The following CDH20 variants were observed in gnomAD, a reference collection of about 807,000 sequenced individuals.
The protein encoded by CDH20 is cadherin 20.
Under a neutral mutation model 74.2 loss-of-function variants are expected in CDH20, and 29 were observed. That is an observed-to-expected ratio of 0.39 (90% confidence interval 0.29 to 0.53). The LOEUF (loss-of-function observed/expected upper bound fraction) is 0.53. CDH20 is among the 20% of genes least tolerant of loss of function. The pLI, the probability that CDH20 is intolerant of heterozygous loss-of-function variation, is 0.69. For missense variants in CDH20, 988 were observed against 1,048.3 expected (o/e 0.94, Z 0.79); for synonymous variants, 469 against 405.4 (o/e 1.16, Z -1.88).
Position 61,554,650 on chromosome 18 carries a change from G to A in CDH20, c.2361G>A (p.Leu787=). 2 of 1,598,744 alleles carry A rather than the reference G, an allele frequency of 1.3e-6. No homozygotes were observed. Among genetic ancestry groups the A allele is most frequent in the Non-Finnish European group, 1.7e-6 (2 of 1,173,146 alleles). The change falls in exon 12 of 12, where the codon CTG becomes CTA. Residue 787 remains leucine, a synonymous_variant. Transcript: ENST00000262717. ...LTDWGPRFRK[L]AELYGASEGP... is the part of the protein sequence containing the mutation. ...ACTGGGGGCCCCGCTTCCGGAAGCT[G>A]GCCGAGCTCTACGGGGCGTCGGAGG...
chr18:61,467,354 T>C (rs780503246), intron 1 of CDH20, among the ~76,000 whole-genome samples: 9 of 152,160 alleles, frequency 5.9e-5, no homozygotes, highest in Non-Finnish European at 1.0e-4. Flanking sequence ...TGAAGAAACA[T>C]ATTTATGGTG....
At chr18:61,347,303 T>TAC in intron 1 of CDH20, among the ~76,000 whole-genome samples, 1 of 80,518 alleles carries the variant, frequency 1.2e-5, no homozygotes, top group Non-Finnish European at 2.4e-5. Context: ...TATATATATA[T>TAC]ATATATATAT....
chr18:61,460,003 T>G (rs1480254270), intron 1 of CDH20, among the ~76,000 whole-genome samples: 1 of 152,196 alleles, frequency 6.6e-6, no homozygotes, highest in Non-Finnish European at 1.5e-5. Context: ...GAAAAGCTCT[T>G]GTTGGAACAA....
chr18:61,508,723 G>A lies in CDH20; in HGVS notation c.1017+1163G>A, dbSNP rs756560371. Reference sequence around the variant, plus strand: ...GCAATCTCGGCTCACTGCAACCTCCGCCTCCCAGGTTCAAGCAATTCTCCT... The same window carrying A: ...GCAATCTCGGCTCACTGCAACCTCCACCTCCCAGGTTCAAGCAATTCTCCT... On this transcript the variant is annotated intron_variant, in intron 6 of 11. Transcript: ENST00000262717. Among the ~76,000 whole-genome samples the A allele has an allele frequency of 2.8e-4, 43 of 152,060 alleles. 1 individual carries two copies. Among genetic ancestry groups the A allele is most frequent in the Non-Finnish European group, 1.6e-4 (11 of 68,008 alleles).
At chr18:61,551,511 T>C (rs1283012031) in intron 11 of CDH20, among the ~76,000 whole-genome samples, 2 of 152,216 alleles carry the variant, frequency 1.3e-5, no homozygotes, top group African/African-American at 4.8e-5. Context: ...CTTCTCAAAA[T>C]ACATTTAAAA....
At chr18:61,470,780 A>C (rs1473023516) in intron 1 of CDH20, among the ~76,000 whole-genome samples, 1 of 152,176 alleles carries the variant, frequency 6.6e-6, no homozygotes, top group Non-Finnish European at 1.5e-5. Context: ...TTATGCTTTT[A>C]TTACAGATAG....
intron 1 of CDH20, among the ~76,000 whole-genome samples, chr18:61,416,925 T>TATAAACTATAGA (rs1213161624): frequency 1.3e-5 from 2 of 152,198 alleles, no homozygotes; most frequent in African/African-American, 4.8e-5. Flanking sequence ...TATATACCGT[T>TATAAACTATAGA]TATAACTAAA....
intron 2 of CDH20, among the ~76,000 whole-genome samples, chr18:61,495,451 C>T (rs1305376694): frequency 1.3e-5 from 2 of 152,222 alleles, no homozygotes; most frequent in African/African-American, 2.4e-5. Context: ...AATTTCTCCT[C>T]TTCCAACCAT....
At chr18:61,549,742 A>C (rs1359517022) in intron 10 of CDH20, 2 of 339,886 alleles carry the variant, frequency 5.9e-6, no homozygotes, top group East Asian at 8.5e-5. Context: ...GACAGACTCA[A>C]AAAAAAAAGA....
intron 1 of CDH20, among the ~76,000 whole-genome samples, chr18:61,355,155 A>G (rs896394890): frequency 6.6e-6 from 1 of 152,250 alleles, no homozygotes; most frequent in Non-Finnish European, 1.5e-5. Context: ...ATTTCAGATC[A>G]TACTGCTGTT....
At chr18:61,374,110 G>A (rs545202157) in intron 1 of CDH20, among the ~76,000 whole-genome samples, 1 of 152,068 alleles carries the variant, frequency 6.6e-6, no homozygotes, top group Non-Finnish European at 1.5e-5. Flanking sequence ...CAAATTCAGA[G>A]TGTGTGTATA....
intron 1 of CDH20, among the ~76,000 whole-genome samples, chr18:61,424,284 CA>C (rs1912992678): frequency 6.6e-6 from 1 of 152,212 alleles, no homozygotes; most frequent in Admixed American, 6.5e-5. Flanking sequence ...TTGTTAGCTA[CA>C]GTGAGCATTT....
At chr18:61,412,380 G>A (rs187837551) in intron 1 of CDH20, among the ~76,000 whole-genome samples, 1 of 152,236 alleles carries the variant, frequency 6.6e-6, no homozygotes, top group East Asian at 1.9e-4. Flanking sequence ...GCTGTTGAGG[G>A]TGTAAATTGG....
chr18:61,406,166 C>T (rs1197512183), intron 1 of CDH20, among the ~76,000 whole-genome samples: 1 of 152,010 alleles, frequency 6.6e-6, no homozygotes, highest in Non-Finnish European at 1.5e-5. Flanking sequence ...TCAAAACAAG[C>T]ATTTGGGCCC....
At chr18:61,432,328 C>T (rs1169996754) in intron 1 of CDH20, among the ~76,000 whole-genome samples, 3 of 151,626 alleles carry the variant, frequency 2.0e-5, no homozygotes, top group East Asian at 1.9e-4. Context: ...GCATGCTTTT[C>T]GTCTGTTCTC....
chr18:61,555,217 G>A lies in CDH20; in HGVS notation c.*522G>A. ...AAATTAACCTACTTGTTCTGGGATG[G>A]ATGGAATTTCCCGTAACCCTTTTGA... On this transcript the variant is annotated 3_prime_UTR_variant, in exon 12 of 12. Coordinates refer to ENST00000262717, the MANE Select transcript of CDH20 (RefSeq NM_031891.4). 1.0e-6 allele frequency: 1 copy of A among 975,944 alleles called. No homozygotes were observed. 60.5% of individuals were successfully genotyped at this position (975,944 alleles called of 1,614,324 possible).
At chr18:61,473,808 G>A (rs1053716409) in intron 1 of CDH20, among the ~76,000 whole-genome samples, 5 of 152,090 alleles carry the variant, frequency 3.3e-5, no homozygotes, top group Non-Finnish European at 5.9e-5. Context: ...GTGCTACCTG[G>A]GATCAATCAG....
intron 1 of CDH20, among the ~76,000 whole-genome samples, chr18:61,378,030 C>T (rs771036158): frequency 1.5e-4 from 23 of 152,102 alleles, no homozygotes; most frequent in Admixed American, 4.6e-4. Flanking sequence ...TTGATGTCCC[C>T]GTTTTCCTAG....
intron 1 of CDH20, among the ~76,000 whole-genome samples, chr18:61,478,501 T>C (rs1174206123): frequency 6.6e-6 from 1 of 152,180 alleles, no homozygotes; most frequent in Non-Finnish European, 1.5e-5. Flanking sequence ...TCCCTACCTT[T>C]CTTATAATAC....
Sources: gnomAD v4.1 joint callset for allele counts (sites outside exome capture counted in the v4.1 genomes callset) on GRCh38, gnomAD v4.1.1 for gene constraint, MANE v1.5 for transcripts, NCBI Gene and HGNC (gene_info 2026-07-23, HGNC 2026-07-21) for gene names.